The following EPHA6 variants were observed in gnomAD, a reference collection of about 807,000 sequenced individuals.
EPHA6 encodes ephrin type-A receptor 6.
A neutral mutation model predicts 112.0 loss-of-function variants in EPHA6; 50 were observed. The ratio of observed to expected loss-of-function variants is 0.45; its 90% CI spans 0.36 to 0.56. EPHA6 has a LOEUF of 0.56. Ranked by LOEUF, EPHA6 falls within the 20% of genes least tolerant of loss-of-function variation. The probability of loss-of-function intolerance (pLI) is 0.00; values close to 1 mark genes in which losing one functional copy is unlikely to be tolerated. For missense variants in EPHA6, 1,280 were observed against 1,417.4 expected, an observed-to-expected ratio of 0.90 and a Z score of 1.56; for synonymous variants, 529 against 490.7, an observed-to-expected ratio of 1.08 and a Z score of -1.03.
chr3:96,941,324 C>T lies in EPHA6; in HGVS notation c.451-46006C>T, dbSNP rs574913673. Among the ~76,000 whole-genome samples the T allele has an allele frequency of 7.3e-4, 111 of 152,192 alleles. 1 individual carries two copies. The highest frequency in any genetic ancestry group is 2.4e-3 in the African/African-American group (101 of 41,532). The stretch of plus-strand genomic sequence containing the variant: ...TTTTTATTCTTTTTTCTCTAAACTT[C>T]CCTTCTCGCTTCATTTCATTCATTT... On this transcript the variant is annotated intron_variant, in intron 2 of 17. Coordinates refer to ENST00000389672, the MANE Select transcript of EPHA6 (RefSeq NM_001080448.3).
intron 3 of EPHA6, among the ~76,000 whole-genome samples, chr3:97,148,529 G>T (rs1372458845): frequency 6.6e-6 from 1 of 152,032 alleles, no homozygotes; most frequent in Non-Finnish European, 1.5e-5. Flanking sequence ...GTTTAAAAAT[G>T]CACATTTCCT....
At chr3:97,601,303 A>G (rs1438648028) in intron 12 of EPHA6, among the ~76,000 whole-genome samples, 1 of 152,076 alleles carries the variant, frequency 6.6e-6, no homozygotes, top group Non-Finnish European at 1.5e-5. Context: ...AGTATTTACT[A>G]TTTGTGCTGA....
chr3:97,455,868 A>ATTTT (rs1371076543), intron 7 of EPHA6, among the ~76,000 whole-genome samples: 1 of 151,974 alleles, frequency 6.6e-6, no homozygotes, highest in African/African-American at 2.4e-5. Flanking sequence ...AAAAAAAGAT[A>ATTTT]TTTTATTTCA....
At chr3:96,984,102 G>T (rs1208124992) in intron 2 of EPHA6, among the ~76,000 whole-genome samples, 1 of 152,216 alleles carries the variant, frequency 6.6e-6, no homozygotes, top group African/African-American at 2.4e-5. Flanking sequence ...GCGAGGAACT[G>T]CATTCCTTTG....
intron 5 of EPHA6, among the ~76,000 whole-genome samples, chr3:97,278,041 A>G (rs1051466129): frequency 4.6e-5 from 7 of 152,242 alleles, no homozygotes; most frequent in Non-Finnish European, 1.0e-4. Context: ...TATGCAGCAC[A>G]TGACTGTACT....
chr3:97,601,152 A>G (rs1283500781), intron 12 of EPHA6, among the ~76,000 whole-genome samples: 1 of 152,112 alleles, frequency 6.6e-6, no homozygotes, highest in Non-Finnish European at 1.5e-5. Flanking sequence ...ATTATTACAG[A>G]TTGTGCCATT....
intron 3 of EPHA6, among the ~76,000 whole-genome samples, chr3:96,997,209 T>C (rs2043455187): frequency 6.6e-6 from 1 of 152,120 alleles, no homozygotes; most frequent in African/African-American, 2.4e-5. Context: ...TATGGCTGCT[T>C]TGACCTTCTG....
intron 5 of EPHA6, among the ~76,000 whole-genome samples, chr3:97,262,283 A>G (rs2079528582): frequency 6.6e-6 from 1 of 152,158 alleles, no homozygotes; most frequent in African/African-American, 2.4e-5. Context: ...TTGAAACTCT[A>G]AATTACCCTC....
intron 3 of EPHA6, among the ~76,000 whole-genome samples, chr3:97,095,054 G>A (rs1055584844): frequency 6.6e-6 from 1 of 152,012 alleles, no homozygotes; most frequent in Non-Finnish European, 1.5e-5. Flanking sequence ...TTTAAAAATT[G>A]AATAAGAGAA....
At chr3:97,419,468 T>C (rs759432174) in intron 6 of EPHA6, among the ~76,000 whole-genome samples, 10 of 148,672 alleles carry the variant, frequency 6.7e-5, no homozygotes, top group Admixed American at 2.0e-4. Context: ...CTACTGAAAA[T>C]ACAAAAATCA....
intron 3 of EPHA6, chr3:97,010,106 A>C (rs1417143056): frequency 7.9e-7 from 1 of 1,269,046 alleles, no homozygotes; most frequent in African/African-American, 1.6e-5. Context: ...CATTACTAAA[A>C]TATTAAACGG....
intron 14 of EPHA6, among the ~76,000 whole-genome samples, chr3:97,702,685 G>C (rs375887813): frequency 3.2e-4 from 48 of 152,040 alleles, no homozygotes; most frequent in Non-Finnish European, 6.3e-4. Context: ...TCATACCAGC[G>C]TAACCACTGG....
intron 3 of EPHA6, among the ~76,000 whole-genome samples, chr3:97,146,492 T>A (rs2076046085): frequency 6.6e-6 from 1 of 151,752 alleles, no homozygotes; most frequent in African/African-American, 2.4e-5. Flanking sequence ...TCTACATTAT[T>A]TCCTCAGACT....
chr3:97,507,271 G>A (rs917330123), intron 10 of EPHA6, among the ~76,000 whole-genome samples: 3 of 152,098 alleles, frequency 2.0e-5, no homozygotes, highest in Non-Finnish European at 4.4e-5. Context: ...TCCAGCTTTT[G>A]CCCATTCACT....
Position 97,363,171 on chromosome 3 carries a change from AATATATATATATATATATAT to A in EPHA6, c.1607-41931_1607-41912del, listed in dbSNP as rs58214738. On this transcript the variant is annotated intron_variant, in intron 5 of 17. Coordinates refer to ENST00000389672, the MANE Select transcript of EPHA6 (RefSeq NM_001080448.3). ...CATAATTATGCCACATTGCCCCTGC[AATATATATATATATATATAT>A]ATATATATATATATATATATATATA... is the stretch of plus-strand genomic sequence containing the variant. Among the ~76,000 whole-genome samples the A allele has an allele frequency of 4.9e-3, 252 of 51,434 alleles. 3 individuals are homozygous for A. Among genetic ancestry groups the A allele is most frequent in the Non-Finnish European group, 7.8e-3 (172 of 22,042 alleles). 33.7% of individuals were successfully genotyped at this position (51,434 alleles called of 152,430 possible). A position where few individuals can be genotyped will look rare whatever the true frequency, so the allele number is the denominator to read the frequency against.
chr3:97,321,911 G>A (rs1185650229), intron 5 of EPHA6, among the ~76,000 whole-genome samples: 1 of 152,036 alleles, frequency 6.6e-6, no homozygotes, highest in Admixed American at 6.6e-5. Context: ...TTATTCAAAT[G>A]TTATTAAGAA....
chr3:97,294,203 T>C (rs2080797405), intron 5 of EPHA6, among the ~76,000 whole-genome samples: 1 of 152,192 alleles, frequency 6.6e-6, no homozygotes, highest in African/African-American at 2.4e-5. Flanking sequence ...CAATTCATAG[T>C]GGGCAGGGCT....
chr3:97,664,609 C>T (rs2107642421), intron 14 of EPHA6, among the ~76,000 whole-genome samples: 1 of 152,284 alleles, frequency 6.6e-6, no homozygotes, highest in South Asian at 2.1e-4. Flanking sequence ...AGCTGATAAG[C>T]AACTTGAGCA....
intron 5 of EPHA6, among the ~76,000 whole-genome samples, chr3:97,321,860 T>G (rs538050737): frequency 3.3e-5 from 5 of 152,190 alleles, no homozygotes; most frequent in African/African-American, 1.2e-4. Flanking sequence ...CAGGCTATCT[T>G]AATTTTCAAG....
Sources: allele counts gnomAD v4.1 joint callset (sites outside exome capture counted in the v4.1 genomes callset), GRCh38; gene constraint gnomAD v4.1.1; transcripts MANE v1.5; gene names NCBI Gene and HGNC (gene_info 2026-07-23, HGNC 2026-07-21).